Variants in ARFGAP3 observed in about 807,000 individuals in gnomAD.
ARFGAP3 encodes the protein ADP-ribosylation factor GTPase-activating protein 3.
A neutral mutation model predicts 75.0 loss-of-function variants in ARFGAP3; 72 were observed. The ratio of observed to expected loss-of-function variants is 0.96; its 90% CI spans 0.79 to 1.17. ARFGAP3 has a LOEUF of 1.17. ARFGAP3 is among the 50% of genes most tolerant of loss of function. ARFGAP3 has a pLI of 0.00. For missense variants in ARFGAP3, 620 were observed against 626.6 expected (o/e 0.99, Z 0.11); for synonymous variants, 221 against 217.9 (o/e 1.01, Z -0.13).
At chr22:42,805,979 T>C (rs1925102214) in intron 14 of ARFGAP3, among the ~76,000 whole-genome samples, 1 of 152,112 alleles carries the variant, frequency 6.6e-6, no homozygotes, top group African/African-American at 2.4e-5. Flanking sequence ...CTCTATAACA[T>C]CCCCAAACCA....
intron 3 of ARFGAP3, 21 bp from the exon 4 acceptor site, chr22:42,835,514 A>G (rs757257653): frequency 8.1e-6 from 13 of 1,612,712 alleles, no homozygotes; most frequent in Non-Finnish European, 1.1e-5. Flanking sequence ...AAGCATGCAC[A>G]TTAATATTTT....
intron 15 of ARFGAP3, among the ~76,000 whole-genome samples, chr22:42,798,267 G>A (rs1807591): frequency 0.36 from 54,296 of 152,060 alleles, 10,814 homozygotes; most frequent in Non-Finnish European, 0.45. Context: ...GAACTCTCCG[G>A]AATGGGTGCA....
rs2146549012 is a variant in ARFGAP3, at chr22:42,823,691, T to TA, written c.636dup (p.Ile213TyrfsTer10). ...GCTTGATTTGGTTTCTTTTTTATGA[T>TA]AGAGGATACCTCTGCCAAAAAATAA... On this transcript the variant is annotated frameshift_variant, in exon 8 of 16. Transcript: ENST00000263245. LOFTEE classifies it high-confidence loss of function. 1 of 1,573,698 alleles carries TA rather than the reference T, an allele frequency of 6.4e-7. No homozygotes were observed. The highest frequency in any genetic ancestry group is 2.3e-5 in the East Asian group (1 of 43,984).
chr22:42,815,624 CAT>C (rs1171806747), intron 11 of ARFGAP3, among the ~76,000 whole-genome samples: 5 of 152,104 alleles, frequency 3.3e-5, no homozygotes, highest in Admixed American at 1.3e-4. Flanking sequence ...TACACACACA[CAT>C]ATATATCTTT....
intron 14 of ARFGAP3, among the ~76,000 whole-genome samples, chr22:42,804,146 C>T (rs1253121393): frequency 1.3e-5 from 2 of 151,764 alleles, no homozygotes; most frequent in Non-Finnish European, 2.9e-5. Flanking sequence ...TCAAGCGATA[C>T]GTCTTCCTCA....
chr22:42,803,096 A>C (rs1602089648), intron 14 of ARFGAP3, among the ~76,000 whole-genome samples: 2 of 152,172 alleles, frequency 1.3e-5, no homozygotes, highest in Non-Finnish European at 2.9e-5. Flanking sequence ...TTTGGGTTCA[A>C]GTGATCCTCC....
In ARFGAP3 at chr22:42,837,064, G is replaced by T. The variant is rs1447037651; in HGVS notation, c.262-1571C>A. Among the ~76,000 whole-genome samples the T allele has an allele frequency of 2.6e-5, 4 of 152,212 alleles. No individual in the cohort carries two copies. The East Asian group carries it at 5.8e-4, about 22-fold the overall frequency. ...TTTCTGGAGTTTGGAGGGTGACTCT[G>T]CAACCTTGGGAAGGCTTAGAAATAA... On this transcript the variant is annotated intron_variant, in intron 3 of 15. Transcript: ENST00000263245.
intron 3 of ARFGAP3, among the ~76,000 whole-genome samples, chr22:42,836,772 A>G (rs1196745963): frequency 2.0e-5 from 3 of 152,212 alleles, no homozygotes; most frequent in Non-Finnish European, 4.4e-5. Flanking sequence ...CTTCATGGGC[A>G]TCATCTCATT....
chr22:42,822,500 G>A lies in ARFGAP3; in HGVS notation c.673-91C>T, dbSNP rs188234246. On this transcript the variant is annotated intron_variant, in intron 8 of 15. Transcript: ENST00000263245. ...TTTCCTAAGGGTTAGGACCTGCCAG[G>A]CACTGTGACAAGCACTCTACATTTG... 3.4e-6 allele frequency: 5 copies of A among 1,475,256 alleles called. No homozygotes were observed. In the Admixed American group the frequency reaches 8.4e-5, roughly 25 times the overall value. 91.4% of individuals were successfully genotyped at this position (1,475,256 alleles called of 1,614,324 possible).
Position 42,839,109 on chromosome 22 carries a change from CAAAAAAAAAAAAAGAA to C in ARFGAP3, c.261+1819_261+1834del, listed in dbSNP as rs1366491412. Among the ~76,000 whole-genome samples the C allele has an allele frequency of 4.3e-5, 4 of 92,050 alleles. No homozygotes were observed. The East Asian group carries it at 1.4e-3, about 33-fold the overall frequency. The allele number at this position is 92,050 out of a possible 152,430, so 60.4% of individuals were successfully genotyped here. On this transcript the variant is annotated intron_variant, in intron 3 of 15. Transcript: ENST00000263245. Reference sequence around the variant, plus strand: ...TGGGTGACAGAGCAAGATTCCGTCTCAAAAAAAAAAAAAGAAAAAAAAAAAAAAAGAAAATCCTTAC... The same window carrying C: ...TGGGTGACAGAGCAAGATTCCGTCTCAAAAAAAAAAAAAGAAAATCCTTAC...
chr22:42,830,837 A>G (rs1926251584), intron 6 of ARFGAP3, among the ~76,000 whole-genome samples: 1 of 152,276 alleles, frequency 6.6e-6, no homozygotes, highest in Admixed American at 6.5e-5. Context: ...ATATCAAGTG[A>G]GAACTAAAAA....
At chr22:42,798,913 G>A (rs555149834) in intron 15 of ARFGAP3, 126 bp downstream of exon 15, 3 of 795,126 alleles carry the variant, frequency 3.8e-6, no homozygotes, top group East Asian at 2.5e-5. Context: ...GGGTTATAGT[G>A]TAGCAAACAT....
intron 12 of ARFGAP3, among the ~76,000 whole-genome samples, chr22:42,809,564 G>A (rs899634011): frequency 6.6e-6 from 1 of 151,742 alleles, no homozygotes; most frequent in Non-Finnish European, 1.5e-5. Context: ...GGGGAGGGGG[G>A]ACTACAAAGG....
At chr22:42,836,266 G>A (rs564252997) in intron 3 of ARFGAP3, among the ~76,000 whole-genome samples, 129 of 152,072 alleles carry the variant, frequency 8.5e-4, no homozygotes, top group African/African-American at 2.9e-3. Flanking sequence ...GTGAGCCACC[G>A]CTCCTGGCCC....
chr22:42,809,045 A>G (rs937061595), intron 12 of ARFGAP3, 155 bp from the exon 13 acceptor site: 7 of 618,550 alleles, frequency 1.1e-5, no homozygotes, highest in Non-Finnish European at 1.4e-5. Flanking sequence ...TTAAAAAAAA[A>G]AGAATAAATA....
At chr22:42,803,107 T>C (rs1924952622) in intron 14 of ARFGAP3, among the ~76,000 whole-genome samples, 1 of 152,188 alleles carries the variant, frequency 6.6e-6, no homozygotes, top group African/African-American at 2.4e-5. Context: ...GTGATCCTCC[T>C]GCCTTAGCCT....
intron 9 of ARFGAP3, 78 bp from the exon 10 acceptor site, chr22:42,817,935 A>G (rs567864633): frequency 1.5e-6 from 2 of 1,329,330 alleles, no homozygotes; most frequent in African/African-American, 1.5e-5. Flanking sequence ...AAAATTAAAC[A>G]TGTAATTTAT....
At chr22:42,837,993 A>T (rs1926604274) in intron 3 of ARFGAP3, among the ~76,000 whole-genome samples, 1 of 150,994 alleles carries the variant, frequency 6.6e-6, no homozygotes, top group Admixed American at 6.6e-5. Context: ...TTTAATTAAG[A>T]GGGGCAAAAA....
At chr22:42,846,166 C>G (rs1213588260) in intron 2 of ARFGAP3, among the ~76,000 whole-genome samples, 1 of 151,878 alleles carries the variant, frequency 6.6e-6, no homozygotes, top group Non-Finnish European at 1.5e-5. Context: ...TATAAGATTG[C>G]TTGCCACAAT....
Sources: allele counts gnomAD v4.1 joint callset (sites outside exome capture counted in the v4.1 genomes callset), GRCh38; gene constraint gnomAD v4.1.1; transcripts MANE v1.5; gene names NCBI Gene and HGNC (gene_info 2026-07-23, HGNC 2026-07-21).